WDFY2: variants seen among roughly 807,000 people sequenced by gnomAD.
The protein encoded by WDFY2 is WD repeat and FYVE domain-containing protein 2.
A neutral mutation model predicts 56.4 loss-of-function variants in WDFY2; 36 were observed. The ratio of observed to expected loss-of-function variants is 0.64; its 90% CI spans 0.49 to 0.84. The LOEUF (loss-of-function observed/expected upper bound fraction) is 0.84. WDFY2 is among the 40% of genes least tolerant of loss of function. The pLI is 0.00. For synonymous variants in WDFY2, 176 were observed against 183.7 expected (o/e 0.96, Z 0.34); for missense variants, 444 against 512.2 (o/e 0.87, Z 1.29).
intron 6 of WDFY2, among the ~76,000 whole-genome samples, chr13:51,732,000 A>G (rs1294980159): frequency 6.6e-6 from 1 of 152,172 alleles, no homozygotes; most frequent in Non-Finnish European, 1.5e-5. Flanking sequence ...AACTAGTTTT[A>G]TGTTCTTATG....
At chr13:51,757,628 T>G (rs1953435224) in intron 10 of WDFY2, among the ~76,000 whole-genome samples, 1 of 151,616 alleles carries the variant, frequency 6.6e-6, no homozygotes, top group Admixed American at 6.6e-5. Context: ...CTGACAAGTC[T>G]TCTTACTTAA....
chr13:51,727,529 A>T, intron 5 of WDFY2, 149 bp from the exon 6 acceptor site: 1 of 645,176 alleles, frequency 1.5e-6, no homozygotes, highest in South Asian at 2.1e-5. Context: ...TCCTTCATTT[A>T]GTTAAGTTCA....
intron 1 of WDFY2, among the ~76,000 whole-genome samples, chr13:51,595,892 G>T (rs546416789): frequency 6.6e-6 from 1 of 152,304 alleles, no homozygotes; most frequent in East Asian, 1.9e-4. Context: ...CCTCTCTGGA[G>T]GCATTTTTTT....
At chr13:51,673,706 T>G (rs1406190701) in intron 2 of WDFY2, among the ~76,000 whole-genome samples, 2 of 152,204 alleles carry the variant, frequency 1.3e-5, no homozygotes, top group East Asian at 3.8e-4. Context: ...ATAGAAATTG[T>G]GCCAACATAG....
intron 7 of WDFY2, among the ~76,000 whole-genome samples, chr13:51,741,070 A>G (rs746073434): frequency 1.2e-4 from 19 of 152,208 alleles, no homozygotes; most frequent in African/African-American, 2.4e-4. Context: ...TAAAGTTTAG[A>G]TAAGTCTCTC....
At chr13:51,752,044 T>C (rs550249803) in intron 8 of WDFY2, among the ~76,000 whole-genome samples, 1 of 152,370 alleles carries the variant, frequency 6.6e-6, no homozygotes, top group East Asian at 1.9e-4. Context: ...GTTAGAATTA[T>C]TCTGGGTAGA....
At chr13:51,626,974 C>T (rs551810511) in intron 1 of WDFY2, among the ~76,000 whole-genome samples, 118 of 152,344 alleles carry the variant, frequency 7.7e-4, no homozygotes, top group Non-Finnish European at 1.4e-3. Flanking sequence ...GGGTGTGAGC[C>T]AGCCAGCATG....
chr13:51,748,364 C>T (rs751160159), intron 7 of WDFY2, among the ~76,000 whole-genome samples: 6 of 152,188 alleles, frequency 3.9e-5, no homozygotes, highest in Non-Finnish European at 7.3e-5. Flanking sequence ...ATGAGCAGCA[C>T]CCTTCTGCAG....
At chr13:51,741,740 A>T (rs1185018215) in intron 7 of WDFY2, among the ~76,000 whole-genome samples, 1 of 152,204 alleles carries the variant, frequency 6.6e-6, no homozygotes, top group African/African-American at 2.4e-5. Context: ...GAGCTCAGAT[A>T]TCATTTTTAG....
intron 1 of WDFY2, among the ~76,000 whole-genome samples, chr13:51,613,874 T>A (rs758624600): frequency 7.9e-5 from 12 of 152,148 alleles, no homozygotes; most frequent in Non-Finnish European, 1.5e-4. Context: ...TGATTTCTCC[T>A]TTTAAAATTA....
chr13:51,743,978 G>A (rs138202612), intron 7 of WDFY2, among the ~76,000 whole-genome samples: 22 of 152,326 alleles, frequency 1.4e-4, no homozygotes, highest in Non-Finnish European at 2.9e-4. Flanking sequence ...GCAGAACATC[G>A]CTGGTGCTCA....
chr13:51,671,102 A>T (rs145947328), intron 2 of WDFY2, among the ~76,000 whole-genome samples: 39 of 152,130 alleles, frequency 2.6e-4, no homozygotes, highest in African/African-American at 7.0e-4. Context: ...CAATTTCTTT[A>T]TCCATTTGTT....
At chr13:51,685,020 T>G (rs913643211) in intron 3 of WDFY2, among the ~76,000 whole-genome samples, 1 of 152,150 alleles carries the variant, frequency 6.6e-6, no homozygotes, top group South Asian at 2.1e-4. Context: ...GTCACAACTT[T>G]CCCACCAAAC....
chr13:51,654,795 T>C (rs1280810422), intron 1 of WDFY2, among the ~76,000 whole-genome samples: 1 of 152,176 alleles, frequency 6.6e-6, no homozygotes. Flanking sequence ...TTTTTTCTTT[T>C]TTAAGCTGCT....
chr13:51,750,856 A>G (rs1953217294), intron 7 of WDFY2, among the ~76,000 whole-genome samples: 1 of 152,204 alleles, frequency 6.6e-6, no homozygotes, highest in South Asian at 2.1e-4. Context: ...CTCAGGCAAC[A>G]CAGTTTACCT....
rs943164316 is a variant in WDFY2 at position 51,760,667 on chromosome 13, T to C, written c.*898T>C. 6.6e-6 allele frequency: 1 copy of C among 152,240 alleles called. No individual in the cohort carries two copies. Among genetic ancestry groups the C allele is most frequent in the Non-Finnish European group, 1.5e-5 (1 of 68,048 alleles). The allele number at this position is 152,240 out of a possible 1,614,324, so 9.4% of individuals were successfully genotyped here. A position where few individuals can be genotyped will look rare whatever the true frequency, so the allele number is the denominator to read the frequency against. The stretch of plus-strand genomic sequence containing the variant: ...ACACAAAATCCTACATCAGCGGCCC[T>C]CAACCTTGTTGGCAGCAGGGACCGG... On this transcript the variant is annotated 3_prime_UTR_variant, in exon 12 of 12. Coordinates refer to ENST00000298125, the MANE Select transcript of WDFY2 (RefSeq NM_052950.4).
chr13:51,667,629 A>C (rs1178496941), intron 2 of WDFY2, among the ~76,000 whole-genome samples: 1 of 152,116 alleles, frequency 6.6e-6, no homozygotes, highest in African/African-American at 2.4e-5. Flanking sequence ...TTCTTGGCAG[A>C]TTGGGAGAAT....
chr13:51,754,316 T>C (rs1470312148), intron 8 of WDFY2, among the ~76,000 whole-genome samples: 1 of 152,170 alleles, frequency 6.6e-6, no homozygotes, highest in Non-Finnish European at 1.5e-5. Flanking sequence ...AGTGCCCAGA[T>C]GACCTTCTTA....
Position 51,584,555 on chromosome 13 carries a change from C to T in WDFY2, c.-133C>T, listed in dbSNP as rs1253190445. On this transcript the variant is annotated 5_prime_UTR_variant, in exon 1 of 12. Coordinates refer to ENST00000298125, the MANE Select transcript of WDFY2 (RefSeq NM_052950.4). ...TCCCGAGAGAGGCGGCCAGGCTATG[C>T]TCGCCGGTTTCCGGCGTTCCGCTCC... 7.8e-7 allele frequency: 1 copy of T among 1,289,464 alleles called. No individual in the cohort carries two copies. The highest frequency in any genetic ancestry group is 1.0e-6 in the Non-Finnish European group (1 of 969,698). The allele number at this position is 1,289,464 out of a possible 1,614,324, so 79.9% of individuals were successfully genotyped here. A position where few individuals can be genotyped will look rare whatever the true frequency, so the allele number is the denominator to read the frequency against.
Sources: gnomAD v4.1 joint callset for allele counts (sites outside exome capture counted in the v4.1 genomes callset) on GRCh38, gnomAD v4.1.1 for gene constraint, MANE v1.5 for transcripts, NCBI Gene and HGNC (gene_info 2026-07-23, HGNC 2026-07-21) for gene names.